KCNK2: variants seen among roughly 807,000 people sequenced by gnomAD.
KCNK2 encodes potassium channel subfamily K member 2.
Under a neutral mutation model 40.5 loss-of-function variants are expected in KCNK2, and 21 were observed. The ratio of observed to expected loss-of-function variants is 0.52; its 90% CI spans 0.37 to 0.75. The LOEUF is 0.75. Ranked by LOEUF, KCNK2 falls within the 30% of genes least tolerant of loss-of-function variation. KCNK2 has a pLI of 0.00. For synonymous variants in KCNK2, 191 were observed against 202.2 expected (o/e 0.94, Z 0.47); for missense variants, 399 against 531.6 (o/e 0.75, Z 2.45).
At chr1:215,051,016 T>A (rs1043627256) in intron 1 of KCNK2, among the ~76,000 whole-genome samples, 7 of 152,222 alleles carry the variant, frequency 4.6e-5, no homozygotes, top group African/African-American at 1.7e-4. Flanking sequence ...CTTGATTCAG[T>A]ACTGTCAGAG....
At chr1:215,194,205 C>A (rs1664776183) in intron 5 of KCNK2, among the ~76,000 whole-genome samples, 1 of 151,932 alleles carries the variant, frequency 6.6e-6, no homozygotes, top group African/African-American at 2.4e-5. Context: ...TGAAATGAAC[C>A]CAGATTCTTA....
intron 2 of KCNK2, among the ~76,000 whole-genome samples, chr1:215,108,840 G>A (rs1285919717): frequency 6.6e-6 from 1 of 151,836 alleles, no homozygotes; most frequent in Non-Finnish European, 1.5e-5. Flanking sequence ...GTGTGTGTGA[G>A]GGGTTGGGGA....
chr1:215,009,724 G>T (rs1656309121), intron 1 of KCNK2, among the ~76,000 whole-genome samples: 3 of 152,012 alleles, frequency 2.0e-5, no homozygotes, highest in Non-Finnish European at 4.4e-5. Context: ...TTTGTATTGT[G>T]TCATCCACAG....
At chr1:215,207,934 G>C (rs1427188897) in intron 6 of KCNK2, among the ~76,000 whole-genome samples, 2 of 152,178 alleles carry the variant, frequency 1.3e-5, no homozygotes, top group East Asian at 3.9e-4. Flanking sequence ...TTGTAAATTT[G>C]TTTAATCATT....
Position 215,083,267 on chromosome 1 carries a change from C to A in KCNK2, c.-119C>A, listed in dbSNP as rs1337989893. Reference sequence around the variant, plus strand: ...AAAACAAAGCCGGGGAAAATGCCTGCCCGTGCAGCTCGGAGCGCGCAGCCC... The same window carrying A: ...AAAACAAAGCCGGGGAAAATGCCTGACCGTGCAGCTCGGAGCGCGCAGCCC... On this transcript the variant is annotated 5_prime_UTR_variant, in exon 1 of 7. Coordinates refer to ENST00000444842, the MANE Select transcript of KCNK2 (RefSeq NM_001017425.3). 1.3e-6 allele frequency: 2 copies of A among 1,568,628 alleles called. No homozygotes were observed. Among genetic ancestry groups the A allele is most frequent in the African/African-American group, 1.4e-5 (1 of 72,608 alleles).
chr1:215,113,805 A>AT (rs1241901973), intron 2 of KCNK2, among the ~76,000 whole-genome samples: 1 of 152,172 alleles, frequency 6.6e-6, no homozygotes, highest in Non-Finnish European at 1.5e-5. Flanking sequence ...CATGTTGACC[A>AT]TGCTGGTCTT....
chr1:215,169,074 G>A (rs533682335), intron 3 of KCNK2, 125 bp from the exon 4 acceptor site: 11 of 627,722 alleles, frequency 1.8e-5, no homozygotes, highest in Admixed American at 1.6e-4. Context: ...TAATACAAAC[G>A]TATTCTTAAC....
intron 2 of KCNK2, among the ~76,000 whole-genome samples, chr1:215,093,442 CATATA>C (rs1351421856): frequency 3.3e-5 from 4 of 120,792 alleles, no homozygotes; most frequent in Non-Finnish European, 4.9e-5. Flanking sequence ...ATATAATATA[CATATA>C]ATATATATAA....
At position 215,236,690 on chromosome 1, in the gene KCNK2, A is replaced by C. The variant is rs1666912552; in HGVS notation, c.*1545A>C. 6.6e-6 allele frequency: 1 copy of C among 152,166 alleles called. No individual in the cohort carries two copies. Among genetic ancestry groups the C allele is most frequent in the African/African-American group, 2.4e-5 (1 of 41,412 alleles). 9.4% of individuals were successfully genotyped at this position (152,166 alleles called of 1,614,324 possible). A position where few individuals can be genotyped will look rare whatever the true frequency, so the allele number is the denominator to read the frequency against. ...TCTGCTGTACATTGTATATATATAT[A>C]ATTTTTAAAATGCAGAAAGAAAATA... On this transcript the variant is annotated 3_prime_UTR_variant, in exon 7 of 7. Coordinates refer to ENST00000444842, the MANE Select transcript of KCNK2 (RefSeq NM_001017425.3).
intron 1 of KCNK2, among the ~76,000 whole-genome samples, chr1:215,060,035 A>C (rs1658315141): frequency 6.6e-6 from 1 of 152,204 alleles, no homozygotes; most frequent in South Asian, 2.1e-4. Flanking sequence ...AGGTTGTGAC[A>C]GAAAGTAAAG....
In KCNK2 at chr1:215,209,453, T is replaced by TTATATATAATATATAA. The variant is rs1571731868; in HGVS notation, c.963+14368_963+14369insAATATATAATATATAT. ...TATAATATAAAATATATAATATATA[T>TTATATATAATATATAA]TATATATTATATATAATATATATTA... On this transcript the variant is annotated intron_variant, in intron 6 of 6. Coordinates refer to ENST00000444842, the MANE Select transcript of KCNK2 (RefSeq NM_001017425.3). 1.7e-4 allele frequency among the ~76,000 whole-genome samples: 2 copies of TTATATATAATATATAA among 11,898 alleles called. 1 individual carries two copies. The highest frequency in any genetic ancestry group is 6.5e-4 in the African/African-American group (2 of 3,086). The allele number at this position is 11,898 out of a possible 152,430, so 7.8% of individuals were successfully genotyped here.
chr1:215,167,287 T>C (rs543856209), intron 3 of KCNK2, among the ~76,000 whole-genome samples: 1 of 151,600 alleles, frequency 6.6e-6, no homozygotes, highest in African/African-American at 2.4e-5. Context: ...CGGCCCATAA[T>C]CTTTGAACTA....
intron 6 of KCNK2, among the ~76,000 whole-genome samples, chr1:215,211,626 A>G (rs1665748507): frequency 6.6e-6 from 1 of 152,224 alleles, no homozygotes; most frequent in Non-Finnish European, 1.5e-5. Flanking sequence ...ATCAAGTGAC[A>G]TGCTGCTTAG....
intron 2 of KCNK2, among the ~76,000 whole-genome samples, chr1:215,114,098 T>G (rs1025858713): frequency 9.9e-5 from 15 of 152,144 alleles, no homozygotes; most frequent in African/African-American, 3.1e-4. Flanking sequence ...TTCACCAACA[T>G]AAACATATTC....
At chr1:215,044,213 C>G (rs1187996584) in intron 1 of KCNK2, among the ~76,000 whole-genome samples, 2 of 151,972 alleles carry the variant, frequency 1.3e-5, no homozygotes, top group African/African-American at 4.8e-5. Flanking sequence ...ACATGATAGT[C>G]TGAGCAGGGA....
intron 2 of KCNK2, among the ~76,000 whole-genome samples, chr1:215,101,996 T>G (rs1335056244): frequency 6.6e-6 from 1 of 152,072 alleles, no homozygotes; most frequent in Non-Finnish European, 1.5e-5. Flanking sequence ...TTTTTGAGTT[T>G]TTAAATTGAT....
At chr1:215,027,529 T>C (rs1049801424) in intron 1 of KCNK2, among the ~76,000 whole-genome samples, 4 of 152,216 alleles carry the variant, frequency 2.6e-5, no homozygotes, top group Non-Finnish European at 5.9e-5. Flanking sequence ...TACTAAATTA[T>C]GTGGATGCTA....
chr1:215,005,628 A>G (rs761578460), upstream of KCNK2: 34 of 387,036 alleles, frequency 8.8e-5, no homozygotes, highest in Non-Finnish European at 1.3e-4. Flanking sequence ...TCTCTGGAAC[A>G]ACTGGGATAT....
intron 1 of KCNK2, among the ~76,000 whole-genome samples, chr1:215,029,877 C>A (rs1657125650): frequency 6.6e-6 from 1 of 152,008 alleles, no homozygotes; most frequent in Non-Finnish European, 1.5e-5. Context: ...CCTCTATAAA[C>A]CTCTGTGTAG....
Sources: gnomAD v4.1 joint callset for allele counts (sites outside exome capture counted in the v4.1 genomes callset) on GRCh38, gnomAD v4.1.1 for gene constraint, MANE v1.5 for transcripts, NCBI Gene and HGNC (gene_info 2026-07-23, HGNC 2026-07-21) for gene names.